Variants in PTPN4 observed in about 807,000 individuals in gnomAD.
PTPN4 encodes the protein tyrosine-protein phosphatase non-receptor type 4.
In PTPN4, 49 loss-of-function variants were observed where a neutral mutation model predicts 135.5. That is an observed-to-expected ratio of 0.36 (90% CI 0.29 to 0.46). PTPN4 has a LOEUF of 0.46. Among genes scored for constraint, PTPN4 ranks in the 20% least tolerant of loss-of-function variants. The probability of loss-of-function intolerance (pLI) is 1.00; values close to 1 mark genes in which losing one functional copy is unlikely to be tolerated. For missense variants in PTPN4, 860 were observed against 1,101.0 expected, an observed-to-expected ratio of 0.78 and a Z score of 3.10; for synonymous variants, 333 against 369.9, an observed-to-expected ratio of 0.90 and a Z score of 1.14.
intron 2 of PTPN4, among the ~76,000 whole-genome samples, chr2:119,843,416 G>A (rs1367596231): frequency 7.1e-6 from 1 of 140,100 alleles, no homozygotes; most frequent in Non-Finnish European, 1.5e-5. Context: ...GCAACCATCC[G>A]ATTTCTCAAT....
chr2:119,889,176 T>C (rs530794214), intron 9 of PTPN4, among the ~76,000 whole-genome samples: 1 of 152,302 alleles, frequency 6.6e-6, no homozygotes, highest in African/African-American at 2.4e-5. Flanking sequence ...TCCCAGCACT[T>C]TGGGAGGCCA....
At position 119,962,754 on chromosome 2, in the gene PTPN4, C is replaced by A; in HGVS notation, c.2409+10C>A. On this transcript the variant is annotated intron_variant, in intron 24 of 26. Coordinates refer to ENST00000263708, the MANE Select transcript of PTPN4 (RefSeq NM_002830.4). The stretch of plus-strand genomic sequence containing the variant: ...CCTATTTAACCAAGAGGTAAGAAGG[C>A]AGGATATCTGTTCATTAGAACTGTT... 1 of 1,558,778 alleles carries A rather than the reference C, an allele frequency of 6.4e-7. No homozygotes were observed. The highest frequency in any genetic ancestry group is 8.7e-7 in the Non-Finnish European group (1 of 1,144,194).
chr2:119,846,300 C>T (rs1677497740), intron 2 of PTPN4, among the ~76,000 whole-genome samples: 1 of 152,096 alleles, frequency 6.6e-6, no homozygotes. Flanking sequence ...ATGGGAGTCT[C>T]CAACCATTAT....
intron 15 of PTPN4, among the ~76,000 whole-genome samples, chr2:119,935,649 A>G (rs937145579): frequency 3.3e-5 from 5 of 152,230 alleles, no homozygotes; most frequent in African/African-American, 1.2e-4. Flanking sequence ...CACACTGTAC[A>G]ATGATACCTG....
chr2:119,772,612 A>C (rs1690755387), intron 1 of PTPN4, among the ~76,000 whole-genome samples: 2 of 152,218 alleles, frequency 1.3e-5, no homozygotes, highest in Non-Finnish European at 2.9e-5. Flanking sequence ...ATTTTGGCTC[A>C]CTGCAACCTT....
At chr2:119,835,361 T>C (rs1229935342) in intron 2 of PTPN4, among the ~76,000 whole-genome samples, 1 of 152,038 alleles carries the variant, frequency 6.6e-6, no homozygotes, top group Non-Finnish European at 1.5e-5. Context: ...ATTTTTGTAT[T>C]TTTACTAGAG....
Position 119,962,952 on chromosome 2 carries a change from G to T in PTPN4, c.2409+208G>T, listed in dbSNP as rs533048916. 1.4e-4 allele frequency among the ~76,000 whole-genome samples: 21 copies of T among 152,082 alleles called. 1 individual carries two copies. In the South Asian group the frequency reaches 4.4e-3, roughly 32 times the overall value. On this transcript the variant is annotated intron_variant, in intron 24 of 26. Coordinates refer to ENST00000263708, the MANE Select transcript of PTPN4 (RefSeq NM_002830.4). ...ATTAATGTTTTTCTTTAGTTTCTAT[G>T]ACTAAATATGAATGGTCAGTGAAAA...
chr2:119,955,427 A>G (rs1394820979), intron 20 of PTPN4, 104 bp downstream of exon 20: 3 of 999,528 alleles, frequency 3.0e-6, no homozygotes, highest in Non-Finnish European at 3.9e-6. Context: ...CTAAACTAAA[A>G]TGATATTCTG....
chr2:119,949,772 G>A (rs775812880), intron 18 of PTPN4, among the ~76,000 whole-genome samples: 1 of 152,066 alleles, frequency 6.6e-6, no homozygotes, highest in Non-Finnish European at 1.5e-5. Context: ...GAGCCCAGGA[G>A]ATCGAGGCTG....
At chr2:119,789,387 C>G (rs1691100576) in intron 1 of PTPN4, among the ~76,000 whole-genome samples, 1 of 152,120 alleles carries the variant, frequency 6.6e-6, no homozygotes, top group Non-Finnish European at 1.5e-5. Flanking sequence ...AAATCGCTTT[C>G]TTGATGGTGT....
chr2:119,792,678 C>T (rs574945496), intron 1 of PTPN4, among the ~76,000 whole-genome samples: 22 of 152,280 alleles, frequency 1.4e-4, no homozygotes, highest in African/African-American at 4.1e-4. Flanking sequence ...GAATATCTAT[C>T]GGGGAACCAG....
chr2:119,863,222 G>C (rs1032926315), intron 3 of PTPN4, among the ~76,000 whole-genome samples: 1 of 152,076 alleles, frequency 6.6e-6, no homozygotes, highest in African/African-American at 2.4e-5. Flanking sequence ...ATAGAAGATA[G>C]CATGTGATGA....
rs372832527 is a variant in PTPN4 at position 119,830,470 on chromosome 2, CCTCT to C, written c.138+20490_138+20493del. Among the ~76,000 whole-genome samples the C allele has an allele frequency of 5.3e-5, 8 of 151,056 alleles. No homozygotes were observed. The South Asian group carries it at 1.0e-3, about 20-fold the overall frequency. On this transcript the variant is annotated intron_variant, in intron 2 of 26. Coordinates refer to ENST00000263708, the MANE Select transcript of PTPN4 (RefSeq NM_002830.4). ...ATGATACCTGGTGTAACACCTCTGCCCTCTCTCTCTCTCTATTTTTTGAGACGAG... is the reference window on the plus strand; with the variant it reads ...ATGATACCTGGTGTAACACCTCTGCCCTCTCTCTCTATTTTTTGAGACGAG...
At chr2:119,948,963 A>G (rs1027281045) in intron 18 of PTPN4, among the ~76,000 whole-genome samples, 16 of 152,270 alleles carry the variant, frequency 1.1e-4, no homozygotes, top group African/African-American at 3.6e-4. Context: ...ATTAGAAAAG[A>G]TAATACACAT....
chr2:119,943,250 T>A (rs1331122156), intron 15 of PTPN4, among the ~76,000 whole-genome samples: 2 of 152,306 alleles, frequency 1.3e-5, no homozygotes, highest in East Asian at 3.9e-4. Context: ...TTCACAACAC[T>A]TATTTACTAG....
At chr2:119,843,301 T>TG (rs1332841990) in intron 2 of PTPN4, among the ~76,000 whole-genome samples, 1 of 144,700 alleles carries the variant, frequency 6.9e-6, no homozygotes, top group Non-Finnish European at 1.5e-5. Flanking sequence ...AGCACAGGGT[T>TG]GGGGGTAAGG....
intron 3 of PTPN4, 114 bp from the exon 4 acceptor site, chr2:119,877,209 C>A: frequency 1.8e-6 from 2 of 1,131,196 alleles, no homozygotes; most frequent in South Asian, 1.8e-5. Flanking sequence ...CCTACCTGGG[C>A]CTTTTCTGAA....
intron 13 of PTPN4, among the ~76,000 whole-genome samples, chr2:119,926,995 TA>T (rs1337621006): frequency 6.6e-6 from 1 of 152,128 alleles, no homozygotes; most frequent in East Asian, 1.9e-4. Flanking sequence ...TATTTCATGT[TA>T]TCAAGCCATT....
chr2:119,928,364 T>C (rs1163035578), intron 13 of PTPN4, among the ~76,000 whole-genome samples: 1 of 152,184 alleles, frequency 6.6e-6, no homozygotes, highest in Non-Finnish European at 1.5e-5. Flanking sequence ...AGCTTACATT[T>C]AGTAGTCTAC....
Sources: allele counts gnomAD v4.1 joint callset (sites outside exome capture counted in the v4.1 genomes callset), GRCh38; gene constraint gnomAD v4.1.1; transcripts MANE v1.5; gene names NCBI Gene and HGNC (gene_info 2026-07-23, HGNC 2026-07-21).